INSYN2B: variants seen among roughly 807,000 people sequenced by gnomAD.
INSYN2B encodes the protein inhibitory synaptic factor family member 2B.
INSYN2B carries 16 observed loss-of-function variants against 41.2 expected under a neutral mutation model. The ratio of observed to expected loss-of-function variants is 0.39; its 90% CI spans 0.26 to 0.59. The LOEUF is 0.59. Ranked by LOEUF, INSYN2B falls within the 20% of genes least tolerant of loss-of-function variation. The pLI, the probability that INSYN2B is intolerant of heterozygous loss-of-function variation, is 0.57. For synonymous variants in INSYN2B, 245 were observed against 244.4 expected (o/e 1.00, Z -0.02); for missense variants, 608 against 646.4 (o/e 0.94, Z 0.64).
chr5:169,951,081 A>G (rs1581463133), intron 1 of INSYN2B, among the ~76,000 whole-genome samples: 1 of 152,280 alleles, frequency 6.6e-6, no homozygotes, highest in South Asian at 2.1e-4. Flanking sequence ...AGCTGATGAG[A>G]CCTGCCTGCC....
At chr5:169,969,605 C>A (rs73327836) in intron 1 of INSYN2B, among the ~76,000 whole-genome samples, 1 of 152,172 alleles carries the variant, frequency 6.6e-6, no homozygotes, top group Non-Finnish European at 1.5e-5. Context: ...TGCCATTCTG[C>A]GGAGGCATTC....
intron 3 of INSYN2B, 107 bp downstream of exon 3, chr5:169,881,261 C>T (rs1414460345): frequency 1.1e-6 from 1 of 875,436 alleles, no homozygotes; most frequent in Non-Finnish European, 1.8e-6. Flanking sequence ...AGTTAAATAC[C>T]TTGTTTTTGC....
chr5:169,979,469 C>A (rs150850639), intron 1 of INSYN2B, among the ~76,000 whole-genome samples: 63 of 152,264 alleles, frequency 4.1e-4, no homozygotes, highest in Middle Eastern at 3.4e-3. Flanking sequence ...CGCTGTATGA[C>A]AAAAGAGGTG....
chr5:169,914,977 T>G (rs910329449), intron 1 of INSYN2B, among the ~76,000 whole-genome samples: 1 of 152,250 alleles, frequency 6.6e-6, no homozygotes, highest in Non-Finnish European at 1.5e-5. Context: ...AAAGAGAATC[T>G]GCCTGACCCC....
chr5:169,972,489 A>T (rs901047220), intron 1 of INSYN2B, among the ~76,000 whole-genome samples: 2 of 53,864 alleles, frequency 3.7e-5, no homozygotes, highest in African/African-American at 5.0e-4. Flanking sequence ...AAAATATTTC[A>T]AGGCAATGCC....
intron 1 of INSYN2B, among the ~76,000 whole-genome samples, chr5:169,962,189 G>A (rs1280447110): frequency 6.6e-6 from 1 of 152,064 alleles, no homozygotes; most frequent in Non-Finnish European, 1.5e-5. Flanking sequence ...CCCTGGAGGG[G>A]AGGGAGCAAG....
intron 1 of INSYN2B, among the ~76,000 whole-genome samples, chr5:169,979,865 C>T (rs1275989183): frequency 6.6e-6 from 1 of 152,040 alleles, no homozygotes; most frequent in African/African-American, 2.4e-5. Context: ...TGGTTTTTTT[C>T]ATAAAACAGC....
intron 1 of INSYN2B, among the ~76,000 whole-genome samples, chr5:169,963,253 T>A (rs1162216729): frequency 6.6e-6 from 1 of 152,180 alleles, no homozygotes; most frequent in Non-Finnish European, 1.5e-5. Context: ...CATGAACTGA[T>A]GAGATGGATG....
intron 1 of INSYN2B, among the ~76,000 whole-genome samples, chr5:169,885,300 T>A (rs907497463): frequency 1.3e-5 from 2 of 152,242 alleles, no homozygotes; most frequent in Admixed American, 6.5e-5. Flanking sequence ...ATTCACTGCT[T>A]GAGCATTCCT....
chr5:169,944,622 A>T (rs1776374007), intron 1 of INSYN2B, among the ~76,000 whole-genome samples: 1 of 152,236 alleles, frequency 6.6e-6, no homozygotes, highest in Admixed American at 6.5e-5. Context: ...TGGTTTCCTC[A>T]TCTGAGAAAT....
chr5:169,867,819 C>A (rs1327718206), intron 3 of INSYN2B, among the ~76,000 whole-genome samples: 1 of 152,152 alleles, frequency 6.6e-6, no homozygotes, highest in Admixed American at 6.5e-5. Context: ...TCTGCACCAC[C>A]TATACTTCAT....
At chr5:169,961,089 C>T (rs1777069028) in intron 1 of INSYN2B, among the ~76,000 whole-genome samples, 1 of 152,192 alleles carries the variant, frequency 6.6e-6, no homozygotes, top group Non-Finnish European at 1.5e-5. Flanking sequence ...GGTAGTGAGA[C>T]ACTGTTTAGG....
At chr5:169,898,174 G>C (rs969063558) in intron 1 of INSYN2B, among the ~76,000 whole-genome samples, 20 of 152,326 alleles carry the variant, frequency 1.3e-4, no homozygotes, top group African/African-American at 4.6e-4. Flanking sequence ...GGCTGACTGA[G>C]GCTGCATGAA....
intron 1 of INSYN2B, among the ~76,000 whole-genome samples, chr5:169,916,047 TA>T (rs1210087242): frequency 1.3e-5 from 2 of 152,216 alleles, no homozygotes; most frequent in Non-Finnish European, 2.9e-5. Context: ...ATGTTTAGAT[TA>T]GAAGTATGGG....
intron 1 of INSYN2B, among the ~76,000 whole-genome samples, chr5:169,978,737 G>A (rs1265232035): frequency 3.9e-5 from 6 of 152,088 alleles, no homozygotes; most frequent in Admixed American, 6.5e-5. Context: ...TGATTGTCTT[G>A]GATCACTGAA....
chr5:169,887,990 C>T (rs1442742848), intron 1 of INSYN2B, among the ~76,000 whole-genome samples: 1 of 152,140 alleles, frequency 6.6e-6, no homozygotes, highest in Non-Finnish European at 1.5e-5. Flanking sequence ...TATGAGTGGA[C>T]ATTTTTTCAC....
chr5:169,910,530 C>G (rs1282004438), intron 1 of INSYN2B, among the ~76,000 whole-genome samples: 2 of 151,640 alleles, frequency 1.3e-5, no homozygotes, highest in African/African-American at 4.8e-5. Flanking sequence ...CATGACTGAC[C>G]TGTTTTCAGC....
At chr5:169,877,655 T>TTAGA (rs60864148) in intron 3 of INSYN2B, among the ~76,000 whole-genome samples, 177 of 152,156 alleles carry the variant, frequency 1.2e-3, no homozygotes, top group Non-Finnish European at 2.0e-3. Flanking sequence ...CTTGAAAATT[T>TTAGA]TAGATAGATA....
At chr5:169,874,627 C>G (rs926627633) in intron 3 of INSYN2B, among the ~76,000 whole-genome samples, 3 of 152,010 alleles carry the variant, frequency 2.0e-5, no homozygotes, top group South Asian at 2.1e-4. Flanking sequence ...TGCTGTTGAC[C>G]CTCTAGGGCC....
Sources: gnomAD v4.1 joint callset for allele counts (sites outside exome capture counted in the v4.1 genomes callset) on GRCh38, gnomAD v4.1.1 for gene constraint, MANE v1.5 for transcripts, NCBI Gene and HGNC (gene_info 2026-07-23, HGNC 2026-07-21) for gene names.